RPS6KA5: variants seen among roughly 807,000 people sequenced by gnomAD.
The protein encoded by RPS6KA5 is ribosomal protein S6 kinase alpha-5.
In RPS6KA5, 27 loss-of-function variants were observed where a neutral mutation model predicts 85.5. The ratio of observed to expected loss-of-function variants is 0.32; its 90% CI spans 0.23 to 0.44. The LOEUF is 0.44. RPS6KA5 is among the 20% of genes least tolerant of loss of function. The pLI, the probability that RPS6KA5 is intolerant of heterozygous loss-of-function variation, is 1.00. For synonymous variants in RPS6KA5, 334 were observed against 348.2 expected (o/e 0.96, Z 0.46); for missense variants, 811 against 980.9 (o/e 0.83, Z 2.31).
chr14:90,972,784 T>A (rs183701412), intron 3 of RPS6KA5, among the ~76,000 whole-genome samples: 2 of 152,200 alleles, frequency 1.3e-5, no homozygotes, highest in Admixed American at 1.3e-4. Flanking sequence ...GGTAAATGCA[T>A]CATAACCAAA....
intron 16 of RPS6KA5, 141 bp downstream of exon 16, chr14:90,873,491 A>G: frequency 1.3e-6 from 1 of 784,592 alleles, no homozygotes; most frequent in Non-Finnish European, 1.9e-6. Context: ...GAAGCAATTT[A>G]TAAAAACATA....
rs1377560771 is a variant in RPS6KA5, at chr14:90,857,226, C to G, written c.*14848G>C. The G allele has an allele frequency of 6.6e-6, 1 of 152,080 alleles. No homozygotes were observed. Among genetic ancestry groups the G allele is most frequent in the Non-Finnish European group, 1.5e-5 (1 of 68,012 alleles). 9.4% of individuals were successfully genotyped at this position (152,080 alleles called of 1,614,324 possible). ...AGAATAACAAAGACAGGAATAGAATCCTTGATCTGACTATAATATTTTAAC... is the reference window on the plus strand; with the variant it reads ...AGAATAACAAAGACAGGAATAGAATGCTTGATCTGACTATAATATTTTAAC... On this transcript the variant is annotated 3_prime_UTR_variant, in exon 17 of 17. Coordinates refer to ENST00000614987, the MANE Select transcript of RPS6KA5 (RefSeq NM_004755.4).
chr14:91,029,674 G>A (rs2042111405), intron 1 of RPS6KA5, among the ~76,000 whole-genome samples: 1 of 152,110 alleles, frequency 6.6e-6, no homozygotes, highest in African/African-American at 2.4e-5. Context: ...ATTTGTTGTG[G>A]AGATAAGAAG....
rs981534960 is a variant in RPS6KA5, at chr14:90,860,590, C to T, written c.*11484G>A. On this transcript the variant is annotated 3_prime_UTR_variant, in exon 17 of 17. Transcript: ENST00000614987. ...GTATTTCATACAAGGCAAAAATATC[C>T]TTCAAAAATAAAGGTAACATTGAAT... 2.0e-5 allele frequency: 3 copies of T among 151,842 alleles called. No individual in the cohort carries two copies. Among genetic ancestry groups the T allele is most frequent in the Admixed American group, 6.6e-5 (1 of 15,240 alleles). The allele number at this position is 151,842 out of a possible 1,614,324, so 9.4% of individuals were successfully genotyped here.
chr14:91,037,361 G>A (rs1393747018), intron 1 of RPS6KA5, among the ~76,000 whole-genome samples: 1 of 152,128 alleles, frequency 6.6e-6, no homozygotes, highest in Non-Finnish European at 1.5e-5. Context: ...TGCCACTGTG[G>A]CCCATTATGG....
At chr14:91,014,030 A>G (rs1359868868) in intron 1 of RPS6KA5, among the ~76,000 whole-genome samples, 1 of 152,216 alleles carries the variant, frequency 6.6e-6, no homozygotes, top group Non-Finnish European at 1.5e-5. Flanking sequence ...ACGACGTCAT[A>G]AAGTACTAGG....
In RPS6KA5 at chr14:90,986,636, C is replaced by T. The variant is rs544196190; in HGVS notation, c.176-8112G>A. Among the ~76,000 whole-genome samples, 5 of 152,272 alleles carry T rather than the reference C, an allele frequency of 3.3e-5. No homozygotes were observed. The South Asian group carries it at 1.0e-3, about 32-fold the overall frequency. On this transcript the variant is annotated intron_variant, in intron 2 of 16. Coordinates refer to ENST00000614987, the MANE Select transcript of RPS6KA5 (RefSeq NM_004755.4). ...TGTTCTGCCAGGTCCCCTTTACAGG[C>T]CGGTGCATCTATTCTCCAGCTGCTG... is the stretch of plus-strand genomic sequence containing the variant.
chr14:90,892,246 C>T (rs1456023202), intron 13 of RPS6KA5, among the ~76,000 whole-genome samples: 1 of 152,128 alleles, frequency 6.6e-6, no homozygotes, highest in Non-Finnish European at 1.5e-5. Context: ...AAGTGATCCG[C>T]TTGCCTCGGC....
chr14:90,964,890 T>C (rs998668353), intron 3 of RPS6KA5, among the ~76,000 whole-genome samples: 20 of 131,360 alleles, frequency 1.5e-4, no homozygotes, highest in Admixed American at 2.5e-4. Flanking sequence ...ACTCCAGCCT[T>C]GGCAAGAGAG....
intron 1 of RPS6KA5, among the ~76,000 whole-genome samples, chr14:91,005,264 G>A (rs952543917): frequency 7.9e-5 from 12 of 152,104 alleles, no homozygotes; most frequent in African/African-American, 2.9e-4. Flanking sequence ...TCACAGTGTG[G>A]GCTGTACTTA....
intron 1 of RPS6KA5, among the ~76,000 whole-genome samples, chr14:91,007,035 A>G (rs1353853126): frequency 6.6e-6 from 1 of 152,020 alleles, no homozygotes; most frequent in African/African-American, 2.4e-5. Context: ...TGTTTGCACA[A>G]CTCTTATTAA....
chr14:90,985,273 G>A (rs117946343), intron 2 of RPS6KA5, among the ~76,000 whole-genome samples: 13 of 152,172 alleles, frequency 8.5e-5, no homozygotes, highest in Non-Finnish European at 1.8e-4. Flanking sequence ...AATGGTATGA[G>A]GTTAATTTGT....
chr14:90,908,918 T>A (rs2035654223), intron 7 of RPS6KA5, among the ~76,000 whole-genome samples: 1 of 152,156 alleles, frequency 6.6e-6, no homozygotes, highest in Non-Finnish European at 1.5e-5. Context: ...TCCCCCTTAT[T>A]TTCATCACCA....
At chr14:91,006,464 A>G (rs1393652398) in intron 1 of RPS6KA5, among the ~76,000 whole-genome samples, 2 of 152,156 alleles carry the variant, frequency 1.3e-5, no homozygotes, top group African/African-American at 4.8e-5. Flanking sequence ...AACTCTCATG[A>G]TGGATTCAGT....
rs373861395 is a variant in RPS6KA5 at position 90,851,951 on chromosome 14, A to G, written c.*20123T>C. On this transcript the variant is annotated 3_prime_UTR_variant, in exon 17 of 17. Coordinates refer to ENST00000614987, the MANE Select transcript of RPS6KA5 (RefSeq NM_004755.4). ...ATCTCACAGCGTTTATTTGAACAAAAAAGACAGAATTTAATATATTCGTTG... is the reference window on the plus strand; with the variant it reads ...ATCTCACAGCGTTTATTTGAACAAAGAAGACAGAATTTAATATATTCGTTG... The G allele has an allele frequency of 2.0e-5, 3 of 152,342 alleles. No individual in the cohort carries two copies. The South Asian group carries it at 6.2e-4, about 32-fold the overall frequency. 9.4% of individuals were successfully genotyped at this position (152,342 alleles called of 1,614,324 possible).
intron 7 of RPS6KA5, among the ~76,000 whole-genome samples, chr14:90,912,804 T>C (rs1394445054): frequency 6.6e-6 from 1 of 151,858 alleles, no homozygotes; most frequent in Non-Finnish European, 1.5e-5. Context: ...AATCTGTGAC[T>C]GCACTCAAAA....
intron 1 of RPS6KA5, among the ~76,000 whole-genome samples, chr14:91,020,651 T>TGTGTGTGTGTG (rs1566873204): frequency 6.8e-6 from 1 of 146,530 alleles, no homozygotes; most frequent in East Asian, 2.0e-4. Flanking sequence ...TGTGTGTGTG[T>TGTGTGTGTGTG]TTATATGTGT....
rs891340731 is a variant in RPS6KA5, at chr14:90,857,716, GTC to G, written c.*14356_*14357del. The stretch of plus-strand genomic sequence containing the variant: ...AGATGTAATCATCTAAAAGATTCCA[GTC>G]TCTTTTTTCTCACTCCCAACCCCCA... On this transcript the variant is annotated 3_prime_UTR_variant, in exon 17 of 17. Coordinates refer to ENST00000614987, the MANE Select transcript of RPS6KA5 (RefSeq NM_004755.4). 20 of 152,222 alleles carry G rather than the reference GTC, an allele frequency of 1.3e-4. No individual in the cohort carries two copies. The highest frequency in any genetic ancestry group is 4.8e-4 in the African/African-American group (20 of 41,532). 9.4% of individuals were successfully genotyped at this position (152,222 alleles called of 1,614,324 possible).
intron 2 of RPS6KA5, among the ~76,000 whole-genome samples, chr14:90,987,558 T>C (rs2040108992): frequency 6.6e-6 from 1 of 152,024 alleles, no homozygotes; most frequent in African/African-American, 2.4e-5. Context: ...GACCAATGAG[T>C]AAAGAAATAT....
Sources: allele counts gnomAD v4.1 joint callset (sites outside exome capture counted in the v4.1 genomes callset), GRCh38; gene constraint gnomAD v4.1.1; transcripts MANE v1.5; gene names NCBI Gene and HGNC (gene_info 2026-07-23, HGNC 2026-07-21).